The following KCNIP4 variants were observed in gnomAD, a reference collection of about 807,000 sequenced individuals.
KCNIP4 encodes the protein potassium voltage-gated channel interacting protein 4, also known as Kv channel-interacting protein 4.
A neutral mutation model predicts 34.0 loss-of-function variants in KCNIP4; 12 were observed. The observed-to-expected ratio is 0.35, with a 90% CI of 0.23 to 0.57. The LOEUF (loss-of-function observed/expected upper bound fraction) is 0.57. Among genes scored for constraint, KCNIP4 ranks in the 20% least tolerant of loss-of-function variants. The pLI, the probability that KCNIP4 is intolerant of heterozygous loss-of-function variation, is 0.83. For synonymous variants in KCNIP4, 124 were observed against 102.2 expected (o/e 1.21, Z -1.29); for missense variants, 238 against 311.7 (o/e 0.76, Z 1.78).
At chr4:21,759,111 A>G (rs1391219257) in intron 1 of KCNIP4, among the ~76,000 whole-genome samples, 2 of 152,150 alleles carry the variant, frequency 1.3e-5, no homozygotes, top group Admixed American at 1.3e-4. Context: ...TGTGAGAGAA[A>G]AGATCATTGA....
intron 1 of KCNIP4, among the ~76,000 whole-genome samples, chr4:20,969,863 G>A (rs975542788): frequency 6.6e-6 from 1 of 151,458 alleles, no homozygotes; most frequent in African/African-American, 2.4e-5. Flanking sequence ...AAATTTTATA[G>A]TAATACAATA....
At chr4:21,323,521 C>A (rs1714716873) in intron 1 of KCNIP4, among the ~76,000 whole-genome samples, 1 of 151,996 alleles carries the variant, frequency 6.6e-6, no homozygotes, top group Admixed American at 6.6e-5. Flanking sequence ...CGAAGTTTGT[C>A]TTTCTGTGCC....
intron 1 of KCNIP4, among the ~76,000 whole-genome samples, chr4:20,993,916 A>G (rs1737308151): frequency 6.6e-6 from 1 of 152,182 alleles, no homozygotes; most frequent in Non-Finnish European, 1.5e-5. Flanking sequence ...TCCAGCTTCT[A>G]GAGGCTGCCT....
intron 1 of KCNIP4, among the ~76,000 whole-genome samples, chr4:21,390,835 G>GA (rs564638409): frequency 8.7e-4 from 132 of 152,206 alleles, no homozygotes; most frequent in Admixed American, 1.7e-3. Context: ...TTTTGGGAGT[G>GA]AAACTGCTGG....
chr4:21,552,271 C>G (rs915855616), intron 1 of KCNIP4, among the ~76,000 whole-genome samples: 2 of 152,056 alleles, frequency 1.3e-5, no homozygotes, highest in African/African-American at 4.8e-5. Context: ...CCTACAGACA[C>G]AAGATCTTGA....
At chr4:21,071,557 A>G (rs751875816) in intron 1 of KCNIP4, among the ~76,000 whole-genome samples, 2 of 152,194 alleles carry the variant, frequency 1.3e-5, no homozygotes, top group Non-Finnish European at 2.9e-5. Flanking sequence ...TAGCTATTGT[A>G]GTATACTTGG....
intron 1 of KCNIP4, among the ~76,000 whole-genome samples, chr4:21,858,072 C>T (rs766938157): frequency 7.2e-5 from 11 of 152,192 alleles, no homozygotes; most frequent in Admixed American, 1.3e-4. Context: ...TGCTTGGCTG[C>T]GCACAGTGGC....
intron 1 of KCNIP4, among the ~76,000 whole-genome samples, chr4:21,074,051 G>A (rs1048966590): frequency 5.3e-5 from 8 of 152,134 alleles, no homozygotes; most frequent in Non-Finnish European, 7.3e-5. Flanking sequence ...GTATTTTATT[G>A]AGGATTTTTG....
chr4:21,428,343 A>T (rs1394639884), intron 1 of KCNIP4, among the ~76,000 whole-genome samples: 1 of 152,230 alleles, frequency 6.6e-6, no homozygotes, highest in Admixed American at 6.5e-5. Context: ...CAGTAGGCTC[A>T]TTAGACCACC....
intron 1 of KCNIP4, among the ~76,000 whole-genome samples, chr4:21,055,288 G>A (rs1196656114): frequency 6.6e-6 from 1 of 152,124 alleles, no homozygotes; most frequent in Non-Finnish European, 1.5e-5. Flanking sequence ...TGAAGATGTG[G>A]AACAACAGAA....
chr4:21,374,205 C>T (rs542434771), intron 1 of KCNIP4, among the ~76,000 whole-genome samples: 2 of 147,100 alleles, frequency 1.4e-5, no homozygotes, highest in South Asian at 4.2e-4. Context: ...CATTTTCACC[C>T]TGCTGATAAA....
At chr4:20,823,615 C>T (rs554352029) in intron 3 of KCNIP4, among the ~76,000 whole-genome samples, 5 of 152,130 alleles carry the variant, frequency 3.3e-5, no homozygotes, top group Admixed American at 2.0e-4. Context: ...CAAGGAGAAG[C>T]AAACAATCTG....
intron 3 of KCNIP4, among the ~76,000 whole-genome samples, chr4:20,793,890 T>C (rs530623353): frequency 1.3e-5 from 2 of 152,090 alleles, no homozygotes; most frequent in African/African-American, 4.8e-5. Flanking sequence ...CCAAATCTCA[T>C]CTTGAACTGT....
intron 1 of KCNIP4, among the ~76,000 whole-genome samples, chr4:21,606,188 T>C (rs1440407643): frequency 6.6e-6 from 1 of 152,160 alleles, no homozygotes; most frequent in Non-Finnish European, 1.5e-5. Flanking sequence ...TTTCTGGCAA[T>C]GGCAGCTTCA....
intron 1 of KCNIP4, among the ~76,000 whole-genome samples, chr4:21,781,605 G>A (rs4588444): frequency 0.49 from 74,605 of 151,548 alleles, 20,229 homozygotes; most frequent in Non-Finnish European, 0.63. Flanking sequence ...GTTATTTATC[G>A]AATAGAAAGG....
At chr4:20,939,792 C>T (rs1731454607) in intron 1 of KCNIP4, among the ~76,000 whole-genome samples, 1 of 152,180 alleles carries the variant, frequency 6.6e-6, no homozygotes, top group Non-Finnish European at 1.5e-5. Flanking sequence ...CGCAACCAGG[C>T]TTTCAACAAA....
At chr4:21,413,606 T>C (rs2029826) in intron 1 of KCNIP4, among the ~76,000 whole-genome samples, 42,160 of 152,076 alleles carry the variant, frequency 0.28, 6,429 homozygotes, top group Non-Finnish European at 0.35. Flanking sequence ...TGTTTTATAA[T>C]CTGTTTTTCC....
intron 3 of KCNIP4, among the ~76,000 whole-genome samples, chr4:20,811,188 T>G (rs1715705437): frequency 6.6e-6 from 1 of 152,198 alleles, no homozygotes; most frequent in Non-Finnish European, 1.5e-5. Context: ...CCCTGTCTCA[T>G]TTCCATAGGG....
chr4:21,496,510 G>A (rs770874504), intron 1 of KCNIP4, among the ~76,000 whole-genome samples: 12 of 152,176 alleles, frequency 7.9e-5, no homozygotes, highest in Non-Finnish European at 8.8e-5. Flanking sequence ...ATCTTGGTTT[G>A]GCTTTCATCA....
Sources: allele counts gnomAD v4.1 joint callset (sites outside exome capture counted in the v4.1 genomes callset), GRCh38; gene constraint gnomAD v4.1.1; transcripts MANE v1.5; gene names NCBI Gene and HGNC (gene_info 2026-07-23, HGNC 2026-07-21).